DPY19L3: variants seen among roughly 807,000 people sequenced by gnomAD.
DPY19L3 encodes the protein protein C-mannosyl-transferase DPY19L3.
DPY19L3 carries 51 observed loss-of-function variants against 92.3 expected under a neutral mutation model. The observed-to-expected ratio is 0.55, with a 90% confidence interval of 0.44 to 0.70. The LOEUF is 0.70. DPY19L3 is among the 30% of genes least tolerant of loss of function. The pLI, the probability that DPY19L3 is intolerant of heterozygous loss-of-function variation, is 0.00. For missense variants in DPY19L3, 706 were observed against 855.9 expected, an observed-to-expected ratio of 0.82 and a Z score of 2.18; for synonymous variants, 309 against 315.2, an observed-to-expected ratio of 0.98 and a Z score of 0.21.
In DPY19L3 at chr19:32,428,311, T is replaced by G. The variant is rs770199688; in HGVS notation, c.238-4405T>G. ...TTTTACGTGAGTTGTTCTTGTTTTTTTAAACATGAGTTGTTTTGTTTTTTT... is the reference window on the plus strand; with the variant it reads ...TTTTACGTGAGTTGTTCTTGTTTTTGTAAACATGAGTTGTTTTGTTTTTTT... On this transcript the variant is annotated intron_variant, in intron 3 of 18. Coordinates refer to ENST00000392250, the MANE Select transcript of DPY19L3 (RefSeq NM_001172774.2). 2.7e-4 allele frequency among the ~76,000 whole-genome samples: 41 copies of G among 152,174 alleles called. 1 individual carries two copies. Among genetic ancestry groups the G allele is most frequent in the Admixed American group, 6.5e-4 (10 of 15,278 alleles).
At chr19:32,415,502 A>C (rs1304132178) in intron 3 of DPY19L3, among the ~76,000 whole-genome samples, 1 of 152,172 alleles carries the variant, frequency 6.6e-6, no homozygotes, top group African/African-American at 2.4e-5. Context: ...CAGATAATAA[A>C]GGGTCTGTCT....
intron 17 of DPY19L3, chr19:32,479,539 C>G: frequency 2.5e-6 from 1 of 392,388 alleles, no homozygotes; most frequent in Non-Finnish European, 5.0e-6. Context: ...GTAACAGCAT[C>G]CTACCTCCCT....
rs71336904 is a variant in DPY19L3 at position 32,445,440 on chromosome 19, C to CAAAAAAAAAAAAAAAAAAAAAAA, written c.855+5551_855+5552insAAAAAAAAAAAAAAAAAAAAAAA. Among the ~76,000 whole-genome samples, 6 of 42,828 alleles carry CAAAAAAAAAAAAAAAAAAAAAAA rather than the reference C, an allele frequency of 1.4e-4. 1 individual carries two copies. The highest frequency in any genetic ancestry group is 4.1e-4 in the Admixed American group (1 of 2,412). The allele number at this position is 42,828 out of a possible 152,430, so 28.1% of individuals were successfully genotyped here. A position where few individuals can be genotyped will look rare whatever the true frequency, so the allele number is the denominator to read the frequency against. The stretch of plus-strand genomic sequence containing the variant: ...TGGGGGACAGAGCGAGACTTCATCT[C>CAAAAAAAAAAAAAAAAAAAAAAA]AAAAAAAAAAAAAAAAAAAAACCAT... On this transcript the variant is annotated intron_variant, in intron 8 of 18. Coordinates refer to ENST00000392250, the MANE Select transcript of DPY19L3 (RefSeq NM_001172774.2).
Position 32,458,404 on chromosome 19 carries a change from T to C in DPY19L3, c.1217T>C (p.Phe406Ser). The C allele has an allele frequency of 6.2e-7, 1 of 1,613,926 alleles. No homozygotes were observed. The highest frequency in any genetic ancestry group is 2.2e-5 in the East Asian group (1 of 44,874). ...GAAGAAGCTTTTGGCCTCCTGCCTT[T>C]TAATACATTTGGAAGGCTTTCAGAT... Reference protein sequence around the residue: ...LCEEAFGLLPFNTFGRLSDTL... With the variant: ...LCEEAFGLLPSNTFGRLSDTL... Residue 406 changes from phenylalanine (F) to serine (S), a missense_variant, in exon 12 of 19, where the codon TTT becomes TCT. Coordinates refer to ENST00000392250, the MANE Select transcript of DPY19L3 (RefSeq NM_001172774.2).
chr19:32,418,487 AT>A (rs1044887509), intron 3 of DPY19L3, among the ~76,000 whole-genome samples: 3 of 151,906 alleles, frequency 2.0e-5, no homozygotes, highest in East Asian at 1.9e-4. Flanking sequence ...CGGGAACTAA[AT>A]TTTTTTTTAA....
At chr19:32,445,454 A>AAAAAAAAAC (rs1432322704) in intron 8 of DPY19L3, among the ~76,000 whole-genome samples, 2 of 149,272 alleles carry the variant, frequency 1.3e-5, no homozygotes, top group African/African-American at 4.9e-5. Context: ...AAAAAAAAAA[A>AAAAAAAAAC]AAAAAAACCA....
chr19:32,469,532 C>T (rs1444194332), intron 16 of DPY19L3, among the ~76,000 whole-genome samples: 1 of 151,260 alleles, frequency 6.6e-6, no homozygotes, highest in East Asian at 1.9e-4. Flanking sequence ...AAAAAATATT[C>T]TTTCCTTGTT....
chr19:32,447,495 T>C lies in DPY19L3; in HGVS notation c.856-5650T>C, dbSNP rs373187926. Among the ~76,000 whole-genome samples the C allele has an allele frequency of 3.5e-4, 53 of 152,206 alleles. No homozygotes were observed. In the East Asian group the frequency reaches 8.5e-3, roughly 24 times the overall value. Reference sequence around the variant, plus strand: ...ACTTTGGGAGGCTGAGGCAGGTGGATCACCTGAGGTCAGGAGTTTGAGACC... The same window carrying C: ...ACTTTGGGAGGCTGAGGCAGGTGGACCACCTGAGGTCAGGAGTTTGAGACC... On this transcript the variant is annotated intron_variant, in intron 8 of 18. Coordinates refer to ENST00000392250, the MANE Select transcript of DPY19L3 (RefSeq NM_001172774.2).
At chr19:32,479,175 C>A (rs1970599361) in intron 17 of DPY19L3, among the ~76,000 whole-genome samples, 1 of 152,088 alleles carries the variant, frequency 6.6e-6, no homozygotes, top group African/African-American at 2.4e-5. Flanking sequence ...AATCTCCTGT[C>A]TTGTATAAGA....
rs761310881 is a variant in DPY19L3, at chr19:32,439,925, C to T, written c.855+15C>T. The T allele has an allele frequency of 4.3e-6, 7 of 1,609,940 alleles. No homozygotes were observed. In the South Asian group the frequency reaches 6.7e-5, roughly 15 times the overall value. ...CAGCAGTGAAGGTGAGCTTTGCTTT[C>T]TTTTCTCACTTGAGATTTTGGCCAT... On this transcript the variant is annotated intron_variant, in intron 8 of 18. Transcript: ENST00000392250.
At chr19:32,466,891 G>A (rs1970218156) in intron 15 of DPY19L3, among the ~76,000 whole-genome samples, 1 of 152,214 alleles carries the variant, frequency 6.6e-6, no homozygotes, top group African/African-American at 2.4e-5. Context: ...GGGTTACCCT[G>A]AAACTGAATC....
chr19:32,449,991 G>C (rs920031069), intron 8 of DPY19L3, among the ~76,000 whole-genome samples: 3 of 146,810 alleles, frequency 2.0e-5, no homozygotes, highest in Non-Finnish European at 4.5e-5. Context: ...GAACGAGAGA[G>C]AATATTTGCA....
chr19:32,464,703 T>C, intron 14 of DPY19L3, 25 bp from the exon 15 acceptor site: 1 of 1,368,546 alleles, frequency 7.3e-7, no homozygotes, highest in Non-Finnish European at 1.0e-6. Context: ...ATACTTATAA[T>C]CTAAATAATG....
chr19:32,453,118 T>C, intron 8 of DPY19L3, 27 bp from the exon 9 acceptor site: 1 of 1,613,310 alleles, frequency 6.2e-7, no homozygotes, highest in Non-Finnish European at 8.5e-7. Flanking sequence ...AAAATGTCTG[T>C]ACTCATCTAA....
In DPY19L3 at chr19:32,484,330, C is replaced by T. The variant is rs1970745568; in HGVS notation, c.*2090C>T. On this transcript the variant is annotated 3_prime_UTR_variant, in exon 19 of 19. Coordinates refer to ENST00000392250, the MANE Select transcript of DPY19L3 (RefSeq NM_001172774.2). ...ATTAATAAATATTTTTAGCACTCAT[C>T]AGTATTCTCCAATGTGACCTTCTCA... 6.6e-6 allele frequency: 1 copy of T among 152,406 alleles called. No homozygotes were observed. Among genetic ancestry groups the T allele is most frequent in the Admixed American group, 6.5e-5 (1 of 15,274 alleles). 9.4% of individuals were successfully genotyped at this position (152,406 alleles called of 1,614,324 possible).
Position 32,408,250 on chromosome 19 carries a change from C to G in DPY19L3, c.-4C>G. 6.2e-7 allele frequency: 1 copy of G among 1,608,154 alleles called. No individual in the cohort carries two copies. The highest frequency in any genetic ancestry group is 1.1e-5 in the South Asian group (1 of 90,676). Reference sequence around the variant, plus strand: ...TGGAGAACAATGCATGTAAGTCTGACATCATGATGTCCATCCGGCAAAGAA... The same window carrying G: ...TGGAGAACAATGCATGTAAGTCTGAGATCATGATGTCCATCCGGCAAAGAA... On this transcript the variant is annotated 5_prime_UTR_variant, in exon 2 of 19. Coordinates refer to ENST00000392250, the MANE Select transcript of DPY19L3 (RefSeq NM_001172774.2).
At chr19:32,428,602 G>T (rs189872367) in intron 3 of DPY19L3, among the ~76,000 whole-genome samples, 13 of 152,228 alleles carry the variant, frequency 8.5e-5, no homozygotes, top group African/African-American at 2.9e-4. Context: ...TTATGTGGGG[G>T]ATCTATTTAC....
chr19:32,442,992 A>G (rs1039613780), intron 8 of DPY19L3, among the ~76,000 whole-genome samples: 12 of 152,180 alleles, frequency 7.9e-5, no homozygotes, highest in African/African-American at 2.7e-4. Context: ...ACTCAGTGGT[A>G]ATGAGACATC....
intron 17 of DPY19L3, among the ~76,000 whole-genome samples, chr19:32,479,140 A>G (rs935051209): frequency 6.6e-6 from 1 of 152,196 alleles, no homozygotes; most frequent in Non-Finnish European, 1.5e-5. Context: ...AGATTTGACT[A>G]GCCTAAAAGC....
Sources: allele counts gnomAD v4.1 joint callset (sites outside exome capture counted in the v4.1 genomes callset), GRCh38; gene constraint gnomAD v4.1.1; transcripts MANE v1.5; gene names NCBI Gene and HGNC (gene_info 2026-07-23, HGNC 2026-07-21).